CAST: variants seen among roughly 807,000 people sequenced by gnomAD.
The protein encoded by CAST is MIR583 host.
CAST carries 76 observed loss-of-function variants against 119.6 expected under a neutral mutation model. The ratio of observed to expected loss-of-function variants is 0.64; its 90% CI spans 0.53 to 0.77. The LOEUF is 0.77. Ranked by LOEUF, CAST falls within the 30% of genes least tolerant of loss-of-function variation. The pLI, the probability that CAST is intolerant of heterozygous loss-of-function variation, is 0.00. For missense variants in CAST, 953 were observed against 946.5 expected (o/e 1.01, Z -0.09); for synonymous variants, 319 against 331.6 (o/e 0.96, Z 0.41).
intron 1 of CAST, among the ~76,000 whole-genome samples, chr5:96,565,047 A>T (rs1746442428): frequency 6.6e-6 from 1 of 150,914 alleles, no homozygotes; most frequent in East Asian, 2.0e-4. Context: ...TAAATATTTT[A>T]AAAATTAAAG....
the CAST span, among the ~76,000 whole-genome samples, chr5:96,103,396 G>A: frequency 2.2e-5 from 3 of 134,348 alleles, no homozygotes; most frequent in African/African-American, 8.5e-5. Flanking sequence ...TCCCCTTCCT[G>A]TGTCCATGTG....
the CAST span, among the ~76,000 whole-genome samples, chr5:96,457,443 G>A: frequency 6.6e-6 from 1 of 152,002 alleles, no homozygotes; most frequent in Non-Finnish European, 1.5e-5. Flanking sequence ...TTTCCATGTC[G>A]CTCGGAATAC....
intron 1 of CAST, among the ~76,000 whole-genome samples, chr5:96,550,433 G>C (rs1343989021): frequency 6.6e-6 from 1 of 152,108 alleles, no homozygotes; most frequent in African/African-American, 2.4e-5. Context: ...AAGACCAAAG[G>C]TAGATAAAAC....
the CAST span, among the ~76,000 whole-genome samples, chr5:96,096,422 C>T: frequency 1.3e-5 from 2 of 152,122 alleles, no homozygotes; most frequent in South Asian, 4.1e-4. Context: ...CAGCCCTCCA[C>T]TGTCTCAATC....
rs551802049 is a variant in CAST, at chr5:96,713,695, TG to T, written c.211-8941del. Among the ~76,000 whole-genome samples, 53 of 152,060 alleles carry T rather than the reference TG, an allele frequency of 3.5e-4. 1 individual carries two copies. The East Asian group carries it at 9.0e-3, about 26-fold the overall frequency. The stretch of plus-strand genomic sequence containing the variant: ...TAACTTCTCAAATTAGTGCTCAGGC[TG>T]GGCATGGTGGCTCACACCTGTAATC... On this transcript the variant is annotated intron_variant, in intron 3 of 31. Transcript: ENST00000675179.
chr5:95,987,612 T>C, the CAST span, among the ~76,000 whole-genome samples: 1 of 152,164 alleles, frequency 6.6e-6, no homozygotes, highest in African/African-American at 2.4e-5. Flanking sequence ...AGATGTAATA[T>C]CCAGAATTTA....
chr5:96,301,981 C>A, the CAST span, among the ~76,000 whole-genome samples: 1 of 152,190 alleles, frequency 6.6e-6, no homozygotes, highest in African/African-American at 2.4e-5. Context: ...TTCCTCTCCC[C>A]CTGCCCTAGT....
At chr5:96,710,649 A>G (rs1755939659) in intron 3 of CAST, among the ~76,000 whole-genome samples, 1 of 152,168 alleles carries the variant, frequency 6.6e-6, no homozygotes. Flanking sequence ...ATTGCCAGCA[A>G]TAATTATGAA....
chr5:96,386,179 T>A, the CAST span, among the ~76,000 whole-genome samples: 2 of 152,262 alleles, frequency 1.3e-5, no homozygotes. Flanking sequence ...TTTAGAAATT[T>A]TTTTTTGTTT....
intron 4 of CAST, among the ~76,000 whole-genome samples, chr5:96,724,519 A>G (rs1201867096): frequency 6.6e-6 from 1 of 152,136 alleles, no homozygotes; most frequent in Admixed American, 6.5e-5. Flanking sequence ...AATATTCCAG[A>G]AGCATCTACA....
the CAST span, among the ~76,000 whole-genome samples, chr5:96,376,008 C>T: frequency 6.7e-6 from 1 of 150,338 alleles, no homozygotes; most frequent in African/African-American, 2.4e-5. Context: ...CATTCACCCA[C>T]AAGACCATCA....
the CAST span, among the ~76,000 whole-genome samples, chr5:96,239,009 T>A: frequency 6.6e-6 from 1 of 152,142 alleles, no homozygotes; most frequent in African/African-American, 2.4e-5. Flanking sequence ...CCTTTCAGAT[T>A]GGTTGTGTTA....
upstream of CAST, among the ~76,000 whole-genome samples, chr5:96,527,064 T>C (rs1432787657): frequency 3.3e-5 from 5 of 152,186 alleles, no homozygotes; most frequent in African/African-American, 1.2e-4. Flanking sequence ...TATACATTCA[T>C]CTGGTGCTCA....
At chr5:96,724,647 A>T (rs1277368718) in intron 4 of CAST, among the ~76,000 whole-genome samples, 1 of 151,894 alleles carries the variant, frequency 6.6e-6, no homozygotes, top group Non-Finnish European at 1.5e-5. Flanking sequence ...CCTGGGCAAC[A>T]TAGCGAGATC....
At chr5:96,407,160 T>C in the CAST span, among the ~76,000 whole-genome samples, 1 of 152,314 alleles carries the variant, frequency 6.6e-6, no homozygotes, top group Non-Finnish European at 1.5e-5. Context: ...GAAGAAGCCT[T>C]AAAGAAACAG....
At chr5:96,347,763 A>C in the CAST span, among the ~76,000 whole-genome samples, 1 of 152,154 alleles carries the variant, frequency 6.6e-6, no homozygotes, top group Admixed American at 6.6e-5. Flanking sequence ...AATCCTCTGA[A>C]GGGTCATTGG....
the CAST span, among the ~76,000 whole-genome samples, chr5:96,414,054 G>T: frequency 6.7e-6 from 1 of 149,484 alleles, no homozygotes; most frequent in African/African-American, 2.5e-5. Flanking sequence ...CAGGAGAATG[G>T]CATGAACCCG....
the CAST span, among the ~76,000 whole-genome samples, chr5:96,157,681 C>T: frequency 6.6e-6 from 1 of 152,158 alleles, no homozygotes; most frequent in Non-Finnish European, 1.5e-5. Flanking sequence ...TAATTTTTAG[C>T]CCAATTAGCC....
the CAST span, among the ~76,000 whole-genome samples, chr5:96,246,801 AG>A: frequency 6.6e-6 from 1 of 152,236 alleles, no homozygotes; most frequent in African/African-American, 2.4e-5. Context: ...TTAGGTAGCT[AG>A]ATAAGTGACC....
Sources: allele counts gnomAD v4.1 joint callset (sites outside exome capture counted in the v4.1 genomes callset), GRCh38; gene constraint gnomAD v4.1.1; transcripts MANE v1.5; gene names NCBI Gene and HGNC (gene_info 2026-07-23, HGNC 2026-07-21).